Variants in CSMD3 observed in about 807,000 individuals in gnomAD.
CSMD3 encodes CUB and sushi domain-containing protein 3.
A neutral mutation model predicts 435.2 loss-of-function variants in CSMD3; 177 were observed. The observed-to-expected ratio is 0.41, with a 90% CI of 0.36 to 0.46. CSMD3 has a LOEUF of 0.46. CSMD3 is among the 20% of genes least tolerant of loss of function. The pLI is 0.34. For synonymous variants in CSMD3, 1,656 were observed against 1,520.5 expected (o/e 1.09, Z -2.07); for missense variants, 4,265 against 4,504.6 (o/e 0.95, Z 1.52).
chr8:113,184,740 T>G (rs1351545539), intron 3 of CSMD3, among the ~76,000 whole-genome samples: 1 of 151,982 alleles, frequency 6.6e-6, no homozygotes, highest in East Asian at 1.9e-4. Context: ...TTCAATCTTA[T>G]CAGCTTCCGA....
intron 3 of CSMD3, among the ~76,000 whole-genome samples, chr8:113,184,864 T>C (rs1182851320): frequency 1.3e-5 from 2 of 152,138 alleles, no homozygotes; most frequent in Admixed American, 6.6e-5. Context: ...TGTTAACTAA[T>C]ATTAGGTTTT....
intron 11 of CSMD3, among the ~76,000 whole-genome samples, chr8:112,851,770 A>T (rs2080496916): frequency 6.6e-6 from 1 of 152,118 alleles, no homozygotes; most frequent in African/African-American, 2.4e-5. Context: ...TCTCAAAAAA[A>T]AAAAAGACCT....
intron 30 of CSMD3, among the ~76,000 whole-genome samples, chr8:112,500,477 C>A (rs145397736): frequency 1.3e-5 from 2 of 151,980 alleles, no homozygotes; most frequent in Non-Finnish European, 2.9e-5. Flanking sequence ...AAACTATTCT[C>A]GATACTAGAA....
chr8:112,755,107 G>A (rs1236946436), intron 13 of CSMD3, among the ~76,000 whole-genome samples: 2 of 151,918 alleles, frequency 1.3e-5, no homozygotes, highest in African/African-American at 2.4e-5. Flanking sequence ...TGAGGCAGGC[G>A]GATCACGAGG....
intron 1 of CSMD3, among the ~76,000 whole-genome samples, chr8:113,370,019 G>A (rs552293538): frequency 2.0e-5 from 3 of 151,820 alleles, no homozygotes; most frequent in African/African-American, 7.2e-5. Context: ...AGTCAATGAT[G>A]ATATACTGCA....
chr8:112,777,867 T>C (rs1264409565), intron 13 of CSMD3, among the ~76,000 whole-genome samples: 1 of 151,666 alleles, frequency 6.6e-6, no homozygotes, highest in Non-Finnish European at 1.5e-5. Flanking sequence ...CCCTGATACT[T>C]TTTTTTAACC....
At chr8:112,983,971 G>C (rs950098536) in intron 6 of CSMD3, among the ~76,000 whole-genome samples, 3 of 151,928 alleles carry the variant, frequency 2.0e-5, no homozygotes, top group Admixed American at 6.6e-5. Flanking sequence ...ACATTTTGTA[G>C]AGCATTTGGT....
intron 6 of CSMD3, among the ~76,000 whole-genome samples, chr8:113,014,211 C>T (rs2086366557): frequency 6.6e-6 from 1 of 152,096 alleles, no homozygotes; most frequent in Non-Finnish European, 1.5e-5. Flanking sequence ...CAGCAACAAT[C>T]AGAAGTTGGC....
At chr8:113,255,827 TA>T (rs1204756336) in intron 3 of CSMD3, among the ~76,000 whole-genome samples, 1 of 151,788 alleles carries the variant, frequency 6.6e-6, no homozygotes, top group African/African-American at 2.4e-5. Flanking sequence ...ACTATAATAA[TA>T]TATAGTAATT....
chr8:112,615,028 T>G (rs1393727088), intron 22 of CSMD3, among the ~76,000 whole-genome samples: 1 of 152,068 alleles, frequency 6.6e-6, no homozygotes, highest in Non-Finnish European at 1.5e-5. Flanking sequence ...TACTCATATC[T>G]TCTAGGGCTA....
intron 22 of CSMD3, among the ~76,000 whole-genome samples, chr8:112,609,420 G>A (rs1833079025): frequency 6.6e-6 from 1 of 151,906 alleles, no homozygotes; most frequent in African/African-American, 2.4e-5. Context: ...AAGGTACTCA[G>A]CATCACTAAT....
At chr8:113,363,612 A>G (rs376706507) in intron 1 of CSMD3, among the ~76,000 whole-genome samples, 2 of 152,062 alleles carry the variant, frequency 1.3e-5, no homozygotes, top group African/African-American at 4.8e-5. Flanking sequence ...CTTCGCCCCA[A>G]TGCCTGTTTC....
chr8:112,594,789 C>A (rs1385258724), intron 22 of CSMD3, among the ~76,000 whole-genome samples: 1 of 152,104 alleles, frequency 6.6e-6, no homozygotes, highest in Non-Finnish European at 1.5e-5. Flanking sequence ...CTCCAACAGA[C>A]CTGCAGCTGA....
intron 44 of CSMD3, among the ~76,000 whole-genome samples, chr8:112,336,290 A>G (rs543352941): frequency 2.2e-4 from 34 of 152,290 alleles, no homozygotes; most frequent in African/African-American, 8.2e-4. Context: ...TCCACTAGTT[A>G]TATTAAATAA....
Position 112,529,446 on chromosome 8 carries a change from G to A in CSMD3, c.4565-12221C>T, listed in dbSNP as rs207469727. ...CTACAAAAAGTACAAAAATTAGCCA[G>A]CAGAGTGGTGCATGTCTGTAGTCTC... On this transcript the variant is annotated intron_variant, in intron 27 of 70. Transcript: ENST00000297405. Among the ~76,000 whole-genome samples, 5 of 152,084 alleles carry A rather than the reference G, an allele frequency of 3.3e-5. No homozygotes were observed. The South Asian group carries it at 1.0e-3, about 32-fold the overall frequency.
At chr8:112,270,652 A>C (rs1281059646) in intron 59 of CSMD3, among the ~76,000 whole-genome samples, 1 of 152,090 alleles carries the variant, frequency 6.6e-6, no homozygotes, top group Non-Finnish European at 1.5e-5. Flanking sequence ...TCTATAAAAA[A>C]TCCAGTTCCA....
chr8:113,006,536 T>C (rs2086064132), intron 6 of CSMD3, among the ~76,000 whole-genome samples: 1 of 151,856 alleles, frequency 6.6e-6, no homozygotes, highest in African/African-American at 2.4e-5. Flanking sequence ...AAAGGACTGG[T>C]GTCCATGTCT....
intron 2 of CSMD3, among the ~76,000 whole-genome samples, chr8:113,279,500 T>C (rs1455247962): frequency 6.6e-6 from 1 of 151,674 alleles, no homozygotes; most frequent in Non-Finnish European, 1.5e-5. Flanking sequence ...TTTAGAACAC[T>C]TTTATCATTA....
intron 7 of CSMD3, among the ~76,000 whole-genome samples, chr8:112,959,881 T>C (rs992171742): frequency 6.6e-6 from 1 of 151,930 alleles, no homozygotes; most frequent in Non-Finnish European, 1.5e-5. Context: ...GAGTGTGTTA[T>C]TTTTGGCATT....
Sources: allele counts gnomAD v4.1 joint callset (sites outside exome capture counted in the v4.1 genomes callset), GRCh38; gene constraint gnomAD v4.1.1; transcripts MANE v1.5; gene names NCBI Gene and HGNC (gene_info 2026-07-23, HGNC 2026-07-21).